ATF2: variants seen among roughly 807,000 people sequenced by gnomAD.
The protein encoded by ATF2 is activating transcription factor 2.
A neutral mutation model predicts 60.6 loss-of-function variants in ATF2; 24 were observed. That is an observed-to-expected ratio of 0.40 (90% CI 0.29 to 0.56). The LOEUF (loss-of-function observed/expected upper bound fraction) is 0.56, where lower values mean the gene tolerates loss of function less well. Among genes scored for constraint, ATF2 ranks in the 20% least tolerant of loss-of-function variants. The pLI is 0.54. For synonymous variants in ATF2, 206 were observed against 215.4 expected (o/e 0.96, Z 0.38); for missense variants, 433 against 607.7 (o/e 0.71, Z 3.02).
chr2:175,090,012 C>CT (rs60841529), intron 12 of ATF2, among the ~76,000 whole-genome samples: 1 of 151,948 alleles, frequency 6.6e-6, no homozygotes, highest in African/African-American at 2.4e-5. Flanking sequence ...TGTAACTGAC[C>CT]TTTTTTCGTA....
intron 11 of ATF2, 127 bp downstream of exon 11, chr2:175,097,317 A>T (rs950481293): frequency 7.5e-6 from 10 of 1,325,250 alleles, no homozygotes; most frequent in African/African-American, 1.5e-5. Flanking sequence ...CCTTTTCCTG[A>T]GGCTTTTGAT....
chr2:175,110,892 C>G (rs961130391), intron 10 of ATF2, among the ~76,000 whole-genome samples: 1 of 152,122 alleles, frequency 6.6e-6, no homozygotes, highest in African/African-American at 2.4e-5. Flanking sequence ...CAGGTGTGAG[C>G]CACTGCGCCC....
At chr2:175,122,307 T>C (rs979559733) in intron 4 of ATF2, among the ~76,000 whole-genome samples, 1 of 152,024 alleles carries the variant, frequency 6.6e-6, no homozygotes, top group African/African-American at 2.4e-5. Flanking sequence ...CTCCAATGTC[T>C]GAACATCAAC....
intron 10 of ATF2, among the ~76,000 whole-genome samples, chr2:175,104,658 GAACCCATCTTC>G (rs1695526875): frequency 6.6e-6 from 1 of 152,156 alleles, no homozygotes; most frequent in Non-Finnish European, 1.5e-5. Flanking sequence ...ACTGGGATAC[GAACCCATCTTC>G]AATGTTCTTC....
intron 1 of ATF2, among the ~76,000 whole-genome samples, chr2:175,155,356 C>A (rs780908745): frequency 3.3e-5 from 5 of 152,164 alleles, no homozygotes; most frequent in Non-Finnish European, 4.4e-5. Flanking sequence ...AATCAAGACA[C>A]CATTAACCCT....
chr2:175,106,899 C>G (rs1695710674), intron 10 of ATF2, among the ~76,000 whole-genome samples: 1 of 152,154 alleles, frequency 6.6e-6, no homozygotes. Flanking sequence ...CGGTGACTCT[C>G]ATGCCCGTAA....
intron 2 of ATF2, among the ~76,000 whole-genome samples, chr2:175,145,561 A>G (rs1698892651): frequency 6.6e-6 from 1 of 152,106 alleles, no homozygotes; most frequent in African/African-American, 2.4e-5. Context: ...TTCTTTATAA[A>G]TTACCCAGTC....
At chr2:175,106,110 AAAGT>A (rs1331726261) in intron 10 of ATF2, among the ~76,000 whole-genome samples, 8 of 152,230 alleles carry the variant, frequency 5.3e-5, no homozygotes, top group African/African-American at 1.7e-4. Context: ...ATTAAAGACA[AAAGT>A]AAGTCAATGG....
At chr2:175,119,117 A>G (rs1037177672) in intron 5 of ATF2, among the ~76,000 whole-genome samples, 2 of 151,644 alleles carry the variant, frequency 1.3e-5, no homozygotes, top group East Asian at 1.9e-4. Flanking sequence ...TAACATAGGT[A>G]CTCAGTGTCC....
At chr2:175,156,360 G>A (rs999019690) in intron 1 of ATF2, among the ~76,000 whole-genome samples, 5 of 107,356 alleles carry the variant, frequency 4.7e-5, no homozygotes, top group African/African-American at 1.9e-4. Flanking sequence ...GACAGAGCAA[G>A]ACTCTGTCTC....
Position 175,151,550 on chromosome 2 carries a change from C to G in ATF2, c.-142-392G>C, listed in dbSNP as rs542780805. ...TCAAAATTTTTAGAGTGGAGATTAA[C>G]AGTTTTTCTTATGTCATTGCTGCAC... On this transcript the variant is annotated intron_variant, in intron 1 of 13. Coordinates refer to ENST00000264110, the MANE Select transcript of ATF2 (RefSeq NM_001880.4). Among the ~76,000 whole-genome samples, 16 of 152,216 alleles carry G rather than the reference C, an allele frequency of 1.1e-4. 3 individuals carry two copies. Among genetic ancestry groups the G allele is most frequent in the African/African-American group, 3.9e-4 (16 of 41,554 alleles).
intron 1 of ATF2, chr2:175,167,558 C>T (rs934959757): frequency 4.1e-5 from 19 of 465,140 alleles, no homozygotes; most frequent in Middle Eastern, 4.3e-4. Context: ...GCCACCATCA[C>T]CAATACACGG....
chr2:175,150,186 T>C (rs773844727), intron 2 of ATF2, among the ~76,000 whole-genome samples: 5 of 152,174 alleles, frequency 3.3e-5, no homozygotes, highest in Non-Finnish European at 5.9e-5. Context: ...TTTTTAAATA[T>C]ATAAATGTAT....
chr2:175,104,090 T>G (rs577457664), intron 10 of ATF2, among the ~76,000 whole-genome samples: 2 of 152,202 alleles, frequency 1.3e-5, no homozygotes, highest in African/African-American at 4.8e-5. Flanking sequence ...ATTTCAGTAT[T>G]CACAGCACAC....
At chr2:175,152,280 G>C (rs1044913732) in intron 1 of ATF2, among the ~76,000 whole-genome samples, 2 of 152,114 alleles carry the variant, frequency 1.3e-5, no homozygotes, top group Non-Finnish European at 2.9e-5. Context: ...AATATGTAAG[G>C]CTAATCTATA....
intron 13 of ATF2, among the ~76,000 whole-genome samples, chr2:175,077,495 T>C (rs1197320374): frequency 6.6e-6 from 1 of 152,178 alleles, no homozygotes; most frequent in Non-Finnish European, 1.5e-5. Context: ...CCATTCTAAC[T>C]TCACCACTAT....
At chr2:175,083,864 C>T (rs927905571) in intron 12 of ATF2, among the ~76,000 whole-genome samples, 3 of 152,140 alleles carry the variant, frequency 2.0e-5, no homozygotes, top group Non-Finnish European at 2.9e-5. Context: ...CAAAAGAAGA[C>T]ATTTATGCAG....
At chr2:175,155,268 G>C (rs949409183) in intron 1 of ATF2, among the ~76,000 whole-genome samples, 1 of 152,140 alleles carries the variant, frequency 6.6e-6, no homozygotes, top group Admixed American at 6.5e-5. Context: ...ATTAGAATGA[G>C]TTGCCCTAGG....
chr2:175,093,056 C>A lies in ATF2; in HGVS notation c.1185+5G>T, dbSNP rs760672070. 4.3e-6 allele frequency: 7 copies of A among 1,613,638 alleles called. No individual in the cohort carries two copies. In the South Asian group the frequency reaches 4.4e-5, roughly 10 times the overall value. ...TAAAACAAAATTCACATATATGCAC[C>A]ATACCTGCAGCTGACCATTTAATGA... On this transcript the variant is annotated splice_donor_5th_base_variant and intron_variant, in intron 12 of 13. Transcript: ENST00000264110.
Sources: allele counts gnomAD v4.1 joint callset (sites outside exome capture counted in the v4.1 genomes callset), GRCh38; gene constraint gnomAD v4.1.1; transcripts MANE v1.5; gene names NCBI Gene and HGNC (gene_info 2026-07-23, HGNC 2026-07-21).